The following EPHA4 variants were observed in gnomAD, a reference collection of about 807,000 sequenced individuals.
EPHA4 encodes EPH receptor A4.
A neutral mutation model predicts 108.3 loss-of-function variants in EPHA4; 19 were observed. The observed-to-expected ratio is 0.18, with a 90% confidence interval of 0.12 to 0.26. The LOEUF (loss-of-function observed/expected upper bound fraction) is 0.26, where lower values mean the gene tolerates loss of function less well. Among genes scored for constraint, EPHA4 ranks in the 10% least tolerant of loss-of-function variants. EPHA4 has a pLI of 1.00. For synonymous variants in EPHA4, 449 were observed against 455.5 expected (o/e 0.99, Z 0.18); for missense variants, 917 against 1,254.0 (o/e 0.73, Z 4.06).
At chr2:221,480,157 A>G (rs1446598529) in intron 5 of EPHA4, among the ~76,000 whole-genome samples, 1 of 149,178 alleles carries the variant, frequency 6.7e-6, no homozygotes, top group Non-Finnish European at 1.5e-5. Context: ...GTGTTGACAT[A>G]ACTTCTTGGC....
intron 5 of EPHA4, among the ~76,000 whole-genome samples, chr2:221,470,164 T>C (rs544547085): frequency 6.6e-4 from 101 of 152,158 alleles, no homozygotes; most frequent in African/African-American, 2.4e-3. Context: ...AGAGGAAACA[T>C]GGTGGTAAAA....
intron 5 of EPHA4, among the ~76,000 whole-genome samples, chr2:221,473,746 G>A (rs1333643074): frequency 6.6e-6 from 1 of 151,940 alleles, no homozygotes; most frequent in Non-Finnish European, 1.5e-5. Context: ...GAAGCCCATT[G>A]GAAACCCTTG....
rs998863918 is a variant in EPHA4, at chr2:221,549,584, T to A, written c.823+14147A>T. Reference sequence around the variant, plus strand: ...AGTATTTTCTCAACCAGAATTCTCATTGGCAGCCAGGGCTCCTGATTAAAG... The same window carrying A: ...AGTATTTTCTCAACCAGAATTCTCAATGGCAGCCAGGGCTCCTGATTAAAG... On this transcript the variant is annotated intron_variant, in intron 3 of 17. Coordinates refer to ENST00000281821, the MANE Select transcript of EPHA4 (RefSeq NM_004438.5). Among the ~76,000 whole-genome samples the A allele has an allele frequency of 5.9e-5, 9 of 152,230 alleles. No homozygotes were observed. The East Asian group carries it at 1.3e-3, about 23-fold the overall frequency.
intron 7 of EPHA4, 80 bp downstream of exon 7, chr2:221,456,533 C>A: frequency 1.4e-6 from 2 of 1,457,752 alleles, no homozygotes; most frequent in South Asian, 1.4e-5. Context: ...CAGACAACTC[C>A]TTAGATTTCA....
chr2:221,423,305 G>A (rs570989956), intron 17 of EPHA4, among the ~76,000 whole-genome samples: 3 of 152,294 alleles, frequency 2.0e-5, no homozygotes, highest in Non-Finnish European at 4.4e-5. Flanking sequence ...ATTTCAGTTG[G>A]CTTTAGAATC....
In EPHA4 at chr2:221,430,070, A is replaced by T; in HGVS notation, c.2578T>A (p.Cys860Ser). The T allele has an allele frequency of 6.2e-7, 1 of 1,614,018 alleles. No homozygotes were observed. The highest frequency in any genetic ancestry group is 8.5e-7 in the Non-Finnish European group (1 of 1,180,000). The change falls in exon 15 of 18, where the codon TGC becomes AGC. Residue 860 changes from cysteine to serine, a missense_variant. Coordinates refer to ENST00000281821, the MANE Select transcript of EPHA4 (RefSeq NM_004438.5). Reference protein sequence around the residue: ...PIALHQLMLDCWQKERSDRPK... With the variant: ...PIALHQLMLDSWQKERSDRPK... The stretch of plus-strand genomic sequence containing the variant: ...CTGTCGCTCCTCTCCTTCTGCCAGC[A>T]GTCTAGCATCAGCTGGTGGAGCGCA...
intron 1 of EPHA4, 38 bp downstream of exon 1, chr2:221,572,120 C>T (rs748311845): frequency 2.5e-6 from 4 of 1,575,022 alleles, no homozygotes; most frequent in South Asian, 1.1e-5. Flanking sequence ...GATGGCCCCT[C>T]GCTGTCCCCG....
chr2:221,433,155 C>A (rs1574558027), intron 14 of EPHA4, among the ~76,000 whole-genome samples: 1 of 152,084 alleles, frequency 6.6e-6, no homozygotes, highest in South Asian at 2.1e-4. Context: ...GATAAGGCAA[C>A]CTGCATCCCA....
intron 5 of EPHA4, among the ~76,000 whole-genome samples, chr2:221,471,189 G>A (rs1691476713): frequency 6.6e-6 from 1 of 152,084 alleles, no homozygotes; most frequent in African/African-American, 2.4e-5. Flanking sequence ...AATAAAGAAT[G>A]TATTACGAAA....
chr2:221,437,757 CAA>C (rs538233784), intron 11 of EPHA4, among the ~76,000 whole-genome samples: 22 of 125,846 alleles, frequency 1.7e-4, no homozygotes, highest in Admixed American at 9.7e-4. Context: ...ACTAAAAATA[CAA>C]AAAAAAAAAA....
rs2106108924 is a variant in EPHA4, at chr2:221,446,197, T to A, written c.1716-16A>T. 3 of 1,466,794 alleles carry A rather than the reference T, an allele frequency of 2.0e-6. No homozygotes were observed. Among genetic ancestry groups the A allele is most frequent in the Admixed American group, 2.3e-5 (1 of 43,730 alleles). 90.9% of individuals were successfully genotyped at this position (1,466,794 alleles called of 1,614,324 possible). A position where few individuals can be genotyped will look rare whatever the true frequency, so the allele number is the denominator to read the frequency against. On this transcript the variant is annotated splice_polypyrimidine_tract_variant and intron_variant, in intron 8 of 17. Transcript: ENST00000281821. The stretch of plus-strand genomic sequence containing the variant: ...TTTACTCCGTCTATTAAAATTTTTT[T>A]AAAAAAGAGAATTATTTTCCTCAAA...
At chr2:221,465,736 T>C (rs1165919904) in intron 5 of EPHA4, among the ~76,000 whole-genome samples, 1 of 152,118 alleles carries the variant, frequency 6.6e-6, no homozygotes, top group African/African-American at 2.4e-5. Context: ...CCCAGGCCCA[T>C]CTTGGAAGCC....
At chr2:221,546,598 A>G (rs979748288) in intron 3 of EPHA4, among the ~76,000 whole-genome samples, 3 of 152,040 alleles carry the variant, frequency 2.0e-5, no homozygotes, top group Admixed American at 6.6e-5. Context: ...GGTCCTTCCC[A>G]TTTAAATATT....
chr2:221,457,917 T>C lies in EPHA4; in HGVS notation c.1392A>G (p.Pro464=). 1 of 1,613,974 alleles carries C rather than the reference T, an allele frequency of 6.2e-7. No homozygotes were observed. Among genetic ancestry groups the C allele is most frequent in the Admixed American group, 1.7e-5 (1 of 60,016 alleles). ...RYSVALAWLE[P]DRPNGVILEY... ...CCAGGATTACCCCATTGGGCCGATC[T>C]GGTTCCAGCCAAGCCAGTGCCACAC... The change falls in exon 6 of 18, where the codon CCA becomes CCG. Residue 464 remains proline (P), a synonymous_variant. Transcript: ENST00000281821.
rs765880197 is a variant in EPHA4 at position 221,418,314 on chromosome 2, C to T, written c.*3058G>A. ...GAACTAAATTATAATATGCCTTATACATTCTAATTTGAACCACAGTCCTTG... is the reference window on the plus strand; with the variant it reads ...GAACTAAATTATAATATGCCTTATATATTCTAATTTGAACCACAGTCCTTG... On this transcript the variant is annotated 3_prime_UTR_variant, in exon 18 of 18. Coordinates refer to ENST00000281821, the MANE Select transcript of EPHA4 (RefSeq NM_004438.5). The T allele has an allele frequency of 2.0e-5, 3 of 152,604 alleles. No homozygotes were observed. Among genetic ancestry groups the T allele is most frequent in the Non-Finnish European group, 2.9e-5 (2 of 68,046 alleles). 9.5% of individuals were successfully genotyped at this position (152,604 alleles called of 1,614,324 possible).
chr2:221,426,110 G>T lies in EPHA4; in HGVS notation c.2879C>A (p.Thr960Lys). 6.2e-7 allele frequency: 1 copy of T among 1,614,062 alleles called. No individual in the cohort carries two copies. The highest frequency in any genetic ancestry group is 2.2e-5 in the East Asian group (1 of 44,874). The change falls in exon 17 of 18, where the codon ACG (threonine) becomes AAG (lysine). Residue 960 changes from threonine (T) to lysine (K), a missense_variant. Around this residue, in one of 3 missense-constraint regions of EPHA4, gnomAD observed 26 missense variants for 44.4 expected, o/e 0.59. Coordinates refer to ENST00000281821, the MANE Select transcript of EPHA4 (RefSeq NM_004438.5). ...ACTGCTCAAAATCTTATTCTGGTGCGTGATGGCTGTGATACCAATTCTTGC... is the reference window on the plus strand; with the variant it reads ...ACTGCTCAAAATCTTATTCTGGTGCTTGATGGCTGTGATACCAATTCTTGC... ...DLARIGITAI[T>K]HQNKILSSVQ... is the part of the protein sequence containing the mutation.
At chr2:221,527,808 G>C (rs1240019532) in intron 3 of EPHA4, among the ~76,000 whole-genome samples, 1 of 152,160 alleles carries the variant, frequency 6.6e-6, no homozygotes, top group East Asian at 1.9e-4. Flanking sequence ...GGAACAAAGA[G>C]ATGAGGGAAC....
At chr2:221,424,608 C>T (rs2106086855) in intron 17 of EPHA4, among the ~76,000 whole-genome samples, 1 of 152,206 alleles carries the variant, frequency 6.6e-6, no homozygotes, top group Middle Eastern at 3.4e-3. Context: ...TATGGATGAG[C>T]AGTGCATTTT....
chr2:221,457,828 G>C (rs374852354), intron 6 of EPHA4, 38 bp downstream of exon 6: 1 of 1,586,358 alleles, frequency 6.3e-7, no homozygotes, highest in Non-Finnish European at 8.6e-7. Context: ...AAGGAAGGAA[G>C]GAAGAAAGGA....
Sources: allele counts gnomAD v4.1 joint callset (sites outside exome capture counted in the v4.1 genomes callset), GRCh38; gene constraint gnomAD v4.1.1; regional missense constraint gnomAD v4.1.1; transcripts MANE v1.5; gene names NCBI Gene and HGNC (gene_info 2026-07-23, HGNC 2026-07-21).